Variants in COL7A1 observed in about 807,000 individuals in gnomAD.
The protein encoded by COL7A1 is collagen type VII alpha 1 chain.
In COL7A1, 296 loss-of-function variants were observed where a neutral mutation model predicts 456.2. The ratio of observed to expected loss-of-function variants is 0.65; its 90% confidence interval spans 0.59 to 0.71. The LOEUF (loss-of-function observed/expected upper bound fraction) is 0.71, where lower values mean the gene tolerates loss of function less well. COL7A1 is among the 30% of genes least tolerant of loss of function. The pLI is 0.00. For synonymous variants in COL7A1, 1,464 were observed against 1,525.9 expected (o/e 0.96, Z 0.95); for missense variants, 3,441 against 4,017.2 (o/e 0.86, Z 3.88).
In COL7A1 at chr3:48,583,823, C is replaced by T; in HGVS notation, c.4279-43G>A. 1 of 1,613,504 alleles carries T rather than the reference C, an allele frequency of 6.2e-7. No homozygotes were observed. Among genetic ancestry groups the T allele is most frequent in the Non-Finnish European group, 8.5e-7 (1 of 1,179,690 alleles). Reference sequence around the variant, plus strand: ...AAAATATGAGCCAAGAACTATGAAGCCCAGCACCCAACCACTGCCCCAGGA... The same window carrying T: ...AAAATATGAGCCAAGAACTATGAAGTCCAGCACCCAACCACTGCCCCAGGA... On this transcript the variant is annotated intron_variant, in intron 39 of 118. Transcript: ENST00000681320. The surrounding 1 kb of genome is among the most constrained non-coding windows in gnomAD (Gnocchi z 5.1).
In COL7A1 at chr3:48,594,234, C is replaced by T. The variant is rs2045911767; in HGVS notation, c.266+134G>A. On this transcript the variant is annotated intron_variant, in intron 3 of 118. Coordinates refer to ENST00000681320, the MANE Select transcript of COL7A1 (RefSeq NM_000094.4). This position sits in a 1 kb window ranked among gnomAD's most constrained non-coding sequence, Gnocchi z 5.5. ...CCTCTGTCTCCAAAGGAGGTCCTGGCTAGGGGGTCTCTAGGTTCCCCAAAA... is the reference window on the plus strand; with the variant it reads ...CCTCTGTCTCCAAAGGAGGTCCTGGTTAGGGGGTCTCTAGGTTCCCCAAAA... The T allele has an allele frequency of 1.9e-6, 2 of 1,030,470 alleles. No individual in the cohort carries two copies. Among genetic ancestry groups the T allele is most frequent in the East Asian group, 2.4e-5 (1 of 41,406 alleles). 63.8% of individuals were successfully genotyped at this position (1,030,470 alleles called of 1,614,324 possible).
rs762440236 is a variant in COL7A1 at position 48,590,190 on chromosome 3, A to ATTG, written c.2050+22_2050+23insCAA. On this transcript the variant is annotated intron_variant, in intron 16 of 118. Coordinates refer to ENST00000681320, the MANE Select transcript of COL7A1 (RefSeq NM_000094.4). The surrounding 1 kb of genome is among the most constrained non-coding windows in gnomAD (Gnocchi z 4.6). ...GAAAGAGCAATGGAGGCAGAGAGCC[A>ATTG]AGGGACGGGGGCAGGGCCTGACCCG... The ATTG allele has an allele frequency of 1.2e-6, 2 of 1,609,226 alleles. No individual in the cohort carries two copies.
chr3:48,593,214 G>T lies in COL7A1; in HGVS notation c.570C>A (p.Pro190=). ...TGACGAAGAAGAAGAAGTCACTGGT[G>T]GGCTGTGAGGCAACTCGCTTCAGCT... ...PEELKRVASQ[P]TSDFFFFVND... is the part of the protein sequence containing the mutation. The change falls in exon 6 of 119, where the codon CCC becomes CCA. Residue 190 remains proline, a synonymous_variant. Transcript: ENST00000681320. The surrounding 1 kb of genome is among the most constrained non-coding windows in gnomAD (Gnocchi z 4.4). The T allele has an allele frequency of 1.2e-6, 2 of 1,614,088 alleles. No homozygotes were observed. Among genetic ancestry groups the T allele is most frequent in the South Asian group, 2.2e-5 (2 of 91,084 alleles).
In COL7A1 at chr3:48,584,322, T is replaced by TG; in HGVS notation, c.4172dup (p.Gly1392ArgfsTer10). On this transcript the variant is annotated frameshift_variant, in exon 37 of 119. Coordinates refer to ENST00000681320, the MANE Select transcript of COL7A1 (RefSeq NM_000094.4). LOFTEE classifies it high-confidence loss of function. ...CCTTCATGGCTGTTCCAGGAAGCCC[T>TG]GGGGGGCCACGGGGTCCTGGGTCCC... The TG allele has an allele frequency of 1.9e-6, 3 of 1,612,290 alleles. No homozygotes were observed. Among genetic ancestry groups the TG allele is most frequent in the Non-Finnish European group, 2.5e-6 (3 of 1,179,242 alleles).
chr3:48,595,320 G>A lies in COL7A1; in HGVS notation c.-54C>T, dbSNP rs995442474. ...CCGCTGCAGTCTCTCGGGCAGAGCA[G>A]AGAAAAGTCCCTGATCTCGGGGGGC... On this transcript the variant is annotated 5_prime_UTR_variant, in exon 1 of 119. Transcript: ENST00000681320. The A allele has an allele frequency of 1.2e-5, 8 of 650,538 alleles. No homozygotes were observed. The highest frequency in any genetic ancestry group is 2.2e-5 in the Non-Finnish European group (8 of 364,118). The allele number at this position is 650,538 out of a possible 1,614,324, so 40.3% of individuals were successfully genotyped here.
chr3:48,569,707 C>T lies in COL7A1; in HGVS notation c.7557+18G>A. 6.2e-7 allele frequency: 1 copy of T among 1,614,154 alleles called. No individual in the cohort carries two copies. Among genetic ancestry groups the T allele is most frequent in the South Asian group, 1.1e-5 (1 of 91,092 alleles). ...AGCACCCTGGCCCCTGCCCTGCCCTCCCCATGCCCACACTCACCTTGTCAC... is the reference window on the plus strand; with the variant it reads ...AGCACCCTGGCCCCTGCCCTGCCCTTCCCATGCCCACACTCACCTTGTCAC... On this transcript the variant is annotated intron_variant, in intron 101 of 118. Coordinates refer to ENST00000681320, the MANE Select transcript of COL7A1 (RefSeq NM_000094.4). This position sits in a 1 kb window ranked among gnomAD's most constrained non-coding sequence, Gnocchi z 4.9.
rs757747220 is a variant in COL7A1 at position 48,567,826 on chromosome 3, T to C, written c.7929+12A>G. On this transcript the variant is annotated intron_variant, in intron 107 of 118. Transcript: ENST00000681320. The surrounding 1 kb of genome is among the most constrained non-coding windows in gnomAD (Gnocchi z 4.3). Reference sequence around the variant, plus strand: ...AGGCCACGTAGCCCCCCAGCCCCCATCCCCTCTGTACCTTGTCTCCCTTCT... The same window carrying C: ...AGGCCACGTAGCCCCCCAGCCCCCACCCCCTCTGTACCTTGTCTCCCTTCT... The C allele has an allele frequency of 6.2e-7, 1 of 1,610,746 alleles. No homozygotes were observed. Among genetic ancestry groups the C allele is most frequent in the African/African-American group, 1.3e-5 (1 of 74,562 alleles).
Position 48,588,879 on chromosome 3 carries a change from G to C in COL7A1, c.2431C>G (p.Arg811Gly). The part of the protein sequence containing the change: ...GATAYRLAWG[R>G]SEGGPMRHQI... ...CGTCAGGGAGCCATACCTTCACTCCGGCCCCAGGCCAGTCTGTAAGCTGTG... is the reference window on the plus strand; with the variant it reads ...CGTCAGGGAGCCATACCTTCACTCCCGCCCCAGGCCAGTCTGTAAGCTGTG... Residue 811 changes from arginine to glycine, a missense_variant, in exon 19 of 119, where the codon CGG (arginine) becomes GGG (glycine). Arg to Gly is a moderately radical substitution (Grantham distance 125). This residue lies in a region of COL7A1 where 444 missense variants were observed against 427.6 expected (regional missense o/e 1.04). Transcript: ENST00000681320. The surrounding 1 kb of genome is among the most constrained non-coding windows in gnomAD (Gnocchi z 4.6). 6.2e-7 allele frequency: 1 copy of C among 1,613,630 alleles called. No individual in the cohort carries two copies. The highest frequency in any genetic ancestry group is 2.2e-5 in the East Asian group (1 of 44,882).
Position 48,580,410 on chromosome 3 carries a change from C to A in COL7A1, c.5053-66G>T. 6.4e-7 allele frequency: 1 copy of A among 1,561,010 alleles called. No individual in the cohort carries two copies. The highest frequency in any genetic ancestry group is 2.3e-5 in the East Asian group (1 of 43,084). ...CAGTTTGGGAGAGCTTTGGAAGCAC[C>A]ATGAGGACTCATGGGAATGTTGGTA... On this transcript the variant is annotated intron_variant, in intron 55 of 118. Transcript: ENST00000681320. This position sits in a 1 kb window ranked among gnomAD's most constrained non-coding sequence, Gnocchi z 4.5.
chr3:48,568,428 C>T lies in COL7A1; in HGVS notation c.7794+71G>A. ...CACTATAAGGTCAAAAGCTACCACA[C>T]TGGTGGGACCACCATGGTGACGGGG... is the stretch of plus-strand genomic sequence containing the variant. On this transcript the variant is annotated intron_variant, in intron 105 of 118. Coordinates refer to ENST00000681320, the MANE Select transcript of COL7A1 (RefSeq NM_000094.4). The surrounding 1 kb of genome is among the most constrained non-coding windows in gnomAD (Gnocchi z 5.2). 1.4e-6 allele frequency: 2 copies of T among 1,473,758 alleles called. No individual in the cohort carries two copies. The highest frequency in any genetic ancestry group is 1.9e-6 in the Non-Finnish European group (2 of 1,072,332). 91.3% of individuals were successfully genotyped at this position (1,473,758 alleles called of 1,614,324 possible).
chr3:48,595,223 G>T, intron 1 of COL7A1, 45 bp downstream of exon 1: 1 of 1,379,430 alleles, frequency 7.2e-7, no homozygotes, highest in Non-Finnish European at 1.0e-6. Context: ...CGTGGCCTTG[G>T]CAGGTCCGAG....
rs1461869739 is a variant in COL7A1 at position 48,572,353 on chromosome 3, A to G, written c.6978+27T>C. The G allele has an allele frequency of 1.2e-6, 2 of 1,613,968 alleles. No individual in the cohort carries two copies. ...ACTGGAGAGACAGGACCCCCAGAACATCTGCTGTCAGAAGTTCCCTACTTA... is the reference window on the plus strand; with the variant it reads ...ACTGGAGAGACAGGACCCCCAGAACGTCTGCTGTCAGAAGTTCCCTACTTA... On this transcript the variant is annotated intron_variant, in intron 90 of 118. Coordinates refer to ENST00000681320, the MANE Select transcript of COL7A1 (RefSeq NM_000094.4). The surrounding 1 kb of genome is among the most constrained non-coding windows in gnomAD (Gnocchi z 4.6).
At position 48,572,510 on chromosome 3, in the gene COL7A1, C is replaced by T; in HGVS notation, c.6929G>A (p.Gly2310Glu). The T allele has an allele frequency of 6.2e-7, 1 of 1,613,968 alleles. No individual in the cohort carries two copies. The highest frequency in any genetic ancestry group is 8.5e-7 in the Non-Finnish European group (1 of 1,179,950). ...AGCCCCACACACACTCACCTTCTCT[C>T]CCTTTGCTCCAGGGAGCCCGACCAC... is the stretch of plus-strand genomic sequence containing the variant. ...QAVVGLPGAK[G>E]EKGAPGGLAG... Residue 2310 changes from glycine (G) to glutamate (E), a missense_variant, in exon 89 of 119, where the codon GGA becomes GAA. Gly to Glu is a moderately conservative substitution (Grantham distance 98). Around this residue, in one of 3 missense-constraint regions of COL7A1, gnomAD observed 2,084 missense variants for 2,501.3 expected, o/e 0.83. Coordinates refer to ENST00000681320, the MANE Select transcript of COL7A1 (RefSeq NM_000094.4). This position sits in a 1 kb window ranked among gnomAD's most constrained non-coding sequence, Gnocchi z 4.6.
Position 48,590,907 on chromosome 3 carries a change from A to G in COL7A1, c.1637-91T>C. ...TGATGGACAGGGACGCAGAGTGAGAAGGGCCATGGGGGTGGGGATGTGGGG... is the reference window on the plus strand; with the variant it reads ...TGATGGACAGGGACGCAGAGTGAGAGGGGCCATGGGGGTGGGGATGTGGGG... On this transcript the variant is annotated intron_variant, in intron 13 of 118. Transcript: ENST00000681320. This position sits in a 1 kb window ranked among gnomAD's most constrained non-coding sequence, Gnocchi z 4.6. 5.2e-6 allele frequency: 4 copies of G among 774,114 alleles called. No individual in the cohort carries two copies. Among genetic ancestry groups the G allele is most frequent in the South Asian group, 4.0e-5 (3 of 74,822 alleles). The allele number at this position is 774,114 out of a possible 1,614,324, so 48.0% of individuals were successfully genotyped here.
chr3:48,591,391 T>C lies in COL7A1; in HGVS notation c.1636+73A>G, dbSNP rs1177709071. On this transcript the variant is annotated intron_variant, in intron 13 of 118. Transcript: ENST00000681320. This position sits in a 1 kb window ranked among gnomAD's most constrained non-coding sequence, Gnocchi z 7.0. ...GGACCCAGGTGTGGAAGGAGAGGGC[T>C]GGAGGTACACTCAGACCCCTCAGGC... is the stretch of plus-strand genomic sequence containing the variant. 1.9e-6 allele frequency: 3 copies of C among 1,589,870 alleles called. No individual in the cohort carries two copies. Among genetic ancestry groups the C allele is most frequent in the African/African-American group, 1.3e-5 (1 of 74,418 alleles).
At position 48,567,061 on chromosome 3, in the gene COL7A1, C is replaced by T; in HGVS notation, c.8110-38G>A. ...AGGACAGAGTCAGTAATCAGAGGCC[C>T]CAGAGATGGACCCTCTCCCAAAGTG... On this transcript the variant is annotated intron_variant, in intron 110 of 118. Transcript: ENST00000681320. This position sits in a 1 kb window ranked among gnomAD's most constrained non-coding sequence, Gnocchi z 4.3. 1 of 1,613,398 alleles carries T rather than the reference C, an allele frequency of 6.2e-7. No homozygotes were observed.
In COL7A1 at chr3:48,592,478, G is replaced by A; in HGVS notation, c.977-11C>T. On this transcript the variant is annotated splice_polypyrimidine_tract_variant and intron_variant, in intron 8 of 118. Transcript: ENST00000681320. The surrounding 1 kb of genome is among the most constrained non-coding windows in gnomAD (Gnocchi z 7.6). ...GCCCTTCTAGGGCAGCTGGGGGAGA[G>A]TCCCACCAGGGATTCATGGAGTCAG... 6.2e-7 allele frequency: 1 copy of A among 1,613,192 alleles called. No individual in the cohort carries two copies.
At position 48,567,085 on chromosome 3, in the gene COL7A1, T is replaced by C; in HGVS notation, c.8109+43A>G. ...CCCAGAGATGGACCCTCTCCCAAAG[T>C]GCACGCTCCCCTCAATTCACCATGA... is the stretch of plus-strand genomic sequence containing the variant. On this transcript the variant is annotated intron_variant, in intron 110 of 118. Transcript: ENST00000681320. The surrounding 1 kb of genome is among the most constrained non-coding windows in gnomAD (Gnocchi z 4.3). The C allele has an allele frequency of 6.2e-7, 1 of 1,613,262 alleles. No individual in the cohort carries two copies.
Position 48,579,157 on chromosome 3 carries a change from T to C in COL7A1, c.5388+40A>G, listed in dbSNP as rs199673654. On this transcript the variant is annotated intron_variant, in intron 62 of 118. Coordinates refer to ENST00000681320, the MANE Select transcript of COL7A1 (RefSeq NM_000094.4). This position sits in a 1 kb window ranked among gnomAD's most constrained non-coding sequence, Gnocchi z 4.4. ...GGTCTAGGGTCCTCATGTGAAGGGG[T>C]AGGGGAAGGGGACAACCAGGCAGGA... The C allele has an allele frequency of 4.9e-4, 780 of 1,605,966 alleles. 7 individuals carry two copies. The highest frequency in any genetic ancestry group is 3.2e-4 in the Admixed American group (19 of 59,982).
Sources: gnomAD v4.1 joint callset for allele counts on GRCh38, gnomAD v4.1.1 for gene constraint, gnomAD v4.1.1 regional missense constraint, Gnocchi (gnomAD v3.1) non-coding constraint, MANE v1.5 for transcripts, NCBI Gene and HGNC (gene_info 2026-07-23, HGNC 2026-07-21) for gene names.